Variants in DDX43 observed in about 807,000 individuals in gnomAD.
DDX43 encodes DEAD-box helicase 43.
Under a neutral mutation model 84.9 loss-of-function variants are expected in DDX43, and 50 were observed. That is an observed-to-expected ratio of 0.59 (90% confidence interval 0.47 to 0.75). The LOEUF is 0.75. DDX43 is among the 30% of genes least tolerant of loss of function. The pLI is 0.00. For synonymous variants in DDX43, 291 were observed against 266.3 expected (o/e 1.09, Z -0.90); for missense variants, 689 against 798.6 (o/e 0.86, Z 1.65).
chr6:73,412,678 CGT>C (rs1554236194), intron 11 of DDX43, among the ~76,000 whole-genome samples: 4,130 of 76,190 alleles, frequency 0.054, 233 homozygotes, highest in African/African-American at 0.074. Flanking sequence ...TGCGCGCGCG[CGT>C]GTGTGTGTGT....
intron 11 of DDX43, among the ~76,000 whole-genome samples, chr6:73,412,667 G>GCA (rs1769816450): frequency 1.2e-5 from 1 of 82,600 alleles, no homozygotes; most frequent in Non-Finnish European, 2.6e-5. Context: ...GTGTGTGTGT[G>GCA]TGCGCGCGCG....
chr6:73,417,167 A>C lies in DDX43; in HGVS notation c.*26-20A>C, dbSNP rs150877932. 1.4e-4 allele frequency: 21 copies of C among 152,114 alleles called. No individual in the cohort carries two copies. The East Asian group carries it at 4.1e-3, about 29-fold the overall frequency. The allele number at this position is 152,114 out of a possible 1,614,324, so 9.4% of individuals were successfully genotyped here. A position where few individuals can be genotyped will look rare whatever the true frequency, so the allele number is the denominator to read the frequency against. ...AACAATGTTGGGGTCAGCAATTTAC[A>C]TTTTTTTTCTATTTTTCAGAATTCA... On this transcript the variant is annotated intron_variant, in intron 16 of 16. Transcript: ENST00000370336.
intron 14 of DDX43, 115 bp from the exon 15 acceptor site, chr6:73,415,382 A>C (rs1769883084): frequency 1.6e-6 from 1 of 608,770 alleles, no homozygotes; most frequent in Non-Finnish European, 2.8e-6. Flanking sequence ...TTAGATTCCA[A>C]ATCTGTTTGA....
Position 73,414,547 on chromosome 6 carries a change from G to C in DDX43, c.1607-1G>C, listed in dbSNP as rs1413803851. On this transcript the variant is annotated splice_acceptor_variant, in intron 13 of 16. Transcript: ENST00000370336. LOFTEE classifies it high-confidence loss of function. ...AGTGTTCATTTGGCTTTACTTTTTAGGCAAAGTGAGAATACTAATTGCAAC... is the reference window on the plus strand; with the variant it reads ...AGTGTTCATTTGGCTTTACTTTTTACGCAAAGTGAGAATACTAATTGCAAC... 1 of 1,609,526 alleles carries C rather than the reference G, an allele frequency of 6.2e-7. No homozygotes were observed. The highest frequency in any genetic ancestry group is 8.5e-7 in the Non-Finnish European group (1 of 1,178,118).
At position 73,395,082 on chromosome 6, in the gene DDX43, G is replaced by A. The variant is rs557388389; in HGVS notation, c.177G>A (p.Glu59=). ...GRWRGTSRPP[E]AVAAGHEELP... Reference sequence around the variant, plus strand: ...GGAGAGGCACCTCTAGGCCCCCGGAGGCCGTGGCCGCTGGTCACGAGGAAC... The same window carrying A: ...GGAGAGGCACCTCTAGGCCCCCGGAAGCCGTGGCCGCTGGTCACGAGGAAC... The change falls in exon 1 of 17, where the codon GAG becomes GAA. Residue 59 remains glutamate, a synonymous_variant. Transcript: ENST00000370336. 2 of 1,614,172 alleles carry A rather than the reference G, an allele frequency of 1.2e-6. No homozygotes were observed. Among genetic ancestry groups the A allele is most frequent in the African/African-American group, 1.3e-5 (1 of 75,078 alleles).
chr6:73,407,179 G>A (rs1044188902), intron 7 of DDX43, among the ~76,000 whole-genome samples: 1 of 152,030 alleles, frequency 6.6e-6, no homozygotes, highest in Non-Finnish European at 1.5e-5. Context: ...GTGCAGTGGC[G>A]TGATCCTGGC....
At chr6:73,413,605 T>TG in intron 11 of DDX43, 53 bp from the exon 12 acceptor site, 1 of 1,581,440 alleles carries the variant, frequency 6.3e-7, no homozygotes, top group Non-Finnish European at 8.6e-7. Flanking sequence ...ATGTATGCGG[T>TG]CTCACCCTCA....
chr6:73,417,025 C>T (rs970918251), intron 16 of DDX43, among the ~76,000 whole-genome samples, 162 bp from the exon 17 acceptor site: 6 of 152,098 alleles, frequency 3.9e-5, no homozygotes, highest in Non-Finnish European at 7.4e-5. Flanking sequence ...GACAACAGGA[C>T]GCTGTCTCCA....
At chr6:73,396,920 G>C (rs536515026) in intron 1 of DDX43, among the ~76,000 whole-genome samples, 2 of 152,140 alleles carry the variant, frequency 1.3e-5, no homozygotes, top group South Asian at 4.2e-4. Flanking sequence ...AAGGCTGAAT[G>C]GTATTCCATT....
Position 73,413,702 on chromosome 6 carries a change from A to G in DDX43, c.1413A>G (p.Glu471=), listed in dbSNP as rs1320781102. Residue 471 remains glutamate, a synonymous_variant, in exon 12 of 17, where the codon GAA becomes GAG. Transcript: ENST00000370336. ...VKQNIIVTTE[E]EKWSHMQTFL... ...AAAATATAATTGTAACCACCGAGGA[A>G]GAGAAATGGAGTCACATGCAAACTT... The G allele has an allele frequency of 1.2e-6, 2 of 1,613,852 alleles. No homozygotes were observed. The highest frequency in any genetic ancestry group is 2.2e-5 in the South Asian group (2 of 91,048).
At chr6:73,398,893 G>A (rs1211881026) in intron 2 of DDX43, among the ~76,000 whole-genome samples, 1 of 152,174 alleles carries the variant, frequency 6.6e-6, no homozygotes, top group African/African-American at 2.4e-5. Context: ...TGTATGTCCT[G>A]CTTCCATTTG....
chr6:73,407,442 C>A, intron 7 of DDX43, 63 bp from the exon 8 acceptor site: 2 of 1,143,414 alleles, frequency 1.7e-6, no homozygotes, highest in South Asian at 1.3e-5. Context: ...CTTGATGGTA[C>A]TGAATAAATG....
intron 4 of DDX43, 125 bp downstream of exon 4, chr6:73,402,115 C>T: frequency 1.7e-6 from 2 of 1,198,832 alleles, no homozygotes; most frequent in Non-Finnish European, 1.2e-6. Flanking sequence ...ATCTAAAATG[C>T]TGCAATTAGT....
At chr6:73,416,914 C>G (rs537609209) in intron 16 of DDX43, among the ~76,000 whole-genome samples, 1 of 152,288 alleles carries the variant, frequency 6.6e-6, no homozygotes, top group Middle Eastern at 3.4e-3. Flanking sequence ...TGGCGCCAAC[C>G]TGTAATCCCA....
chr6:73,395,198 G>A, intron 1 of DDX43, 43 bp downstream of exon 1: 1 of 1,556,284 alleles, frequency 6.4e-7, no homozygotes, highest in Non-Finnish European at 8.7e-7. Context: ...GGTGGGGCCA[G>A]GGGCGGAGCC....
rs1040090530 is a variant in DDX43, at chr6:73,408,719, G to A, written c.1180-529G>A. Among the ~76,000 whole-genome samples, 3 of 151,884 alleles carry A rather than the reference G, an allele frequency of 2.0e-5. No individual in the cohort carries two copies. The East Asian group carries it at 5.9e-4, about 30-fold the overall frequency. Reference sequence around the variant, plus strand: ...CTGCAGGCTCCCACCACCACACCTGGCTAATTTTTTCTTTTTAGTAGAGAC... The same window carrying A: ...CTGCAGGCTCCCACCACCACACCTGACTAATTTTTTCTTTTTAGTAGAGAC... On this transcript the variant is annotated intron_variant, in intron 9 of 16. Transcript: ENST00000370336.
chr6:73,398,688 G>A (rs1484127850), intron 2 of DDX43, among the ~76,000 whole-genome samples: 1 of 152,202 alleles, frequency 6.6e-6, no homozygotes, highest in African/African-American at 2.4e-5. Context: ...CTTCCTTCCA[G>A]AGAGAACCCC....
At chr6:73,402,472 T>G (rs1236051305) in intron 4 of DDX43, among the ~76,000 whole-genome samples, 1 of 152,234 alleles carries the variant, frequency 6.6e-6, no homozygotes, top group African/African-American at 2.4e-5. Context: ...GAGATCTCAC[T>G]ATCCTGTCCA....
At chr6:73,411,075 C>T (rs1769776187) in intron 10 of DDX43, among the ~76,000 whole-genome samples, 1 of 149,466 alleles carries the variant, frequency 6.7e-6, no homozygotes, top group Admixed American at 6.7e-5. Flanking sequence ...ACTCGGGAGC[C>T]TGAGGCAGGA....
Sources: allele counts gnomAD v4.1 joint callset (sites outside exome capture counted in the v4.1 genomes callset), GRCh38; gene constraint gnomAD v4.1.1; transcripts MANE v1.5; gene names NCBI Gene and HGNC (gene_info 2026-07-23, HGNC 2026-07-21).